Variants in PTPN1 observed in about 807,000 individuals in gnomAD.
The protein encoded by PTPN1 is tyrosine-protein phosphatase non-receptor type 1.
Under a neutral mutation model 59.9 loss-of-function variants are expected in PTPN1, and 12 were observed. The observed-to-expected ratio is 0.20, with a 90% CI of 0.13 to 0.32. The LOEUF (loss-of-function observed/expected upper bound fraction) is 0.32, where lower values mean the gene tolerates loss of function less well. Ranked by LOEUF, PTPN1 falls within the 10% of genes least tolerant of loss-of-function variation. PTPN1 has a pLI of 1.00. For synonymous variants in PTPN1, 178 were observed against 203.6 expected (o/e 0.87, Z 1.07); for missense variants, 356 against 549.2 (o/e 0.65, Z 3.52).
chr20:50,578,397 T>C (rs1037026466), intron 5 of PTPN1, 23 bp from the exon 6 acceptor site: 3 of 1,578,564 alleles, frequency 1.9e-6, no homozygotes, highest in Non-Finnish European at 2.6e-6. Context: ...TTTAGAATCA[T>C]CATGAGTATT....
intron 1 of PTPN1, among the ~76,000 whole-genome samples, chr20:50,529,446 G>T (rs1320853801): frequency 6.6e-6 from 1 of 152,042 alleles, no homozygotes; most frequent in Non-Finnish European, 1.5e-5. Flanking sequence ...AGCATGCTTG[G>T]GTCTCCAAAG....
intron 1 of PTPN1, among the ~76,000 whole-genome samples, chr20:50,544,262 C>A (rs907049363): frequency 1.3e-4 from 19 of 151,820 alleles, no homozygotes; most frequent in African/African-American, 4.6e-4. Flanking sequence ...GGGATCCTCC[C>A]ACCTCAGCGT....
intron 1 of PTPN1, among the ~76,000 whole-genome samples, chr20:50,525,897 G>A (rs1265607292): frequency 6.6e-6 from 1 of 152,104 alleles, no homozygotes; most frequent in Admixed American, 6.6e-5. Flanking sequence ...AAGTGTAGCC[G>A]TTATATGGCC....
Position 50,526,087 on chromosome 20 carries a change from ATGTG to A in PTPN1, c.63+15508_63+15511del, listed in dbSNP as rs140304351. Among the ~76,000 whole-genome samples the A allele has an allele frequency of 2.9e-4, 44 of 151,732 alleles. No homozygotes were observed. The East Asian group carries it at 6.6e-3, about 23-fold the overall frequency. The stretch of plus-strand genomic sequence containing the variant: ...GGGTGCGGGGGAGCACATAGGGTGT[ATGTG>A]TGTGTGTGTGCGCGTGCAGATTCTC... On this transcript the variant is annotated intron_variant, in intron 1 of 9. Coordinates refer to ENST00000371621, the MANE Select transcript of PTPN1 (RefSeq NM_002827.4).
intron 1 of PTPN1, among the ~76,000 whole-genome samples, chr20:50,535,320 G>C (rs796612799): frequency 6.6e-6 from 1 of 152,006 alleles, no homozygotes; most frequent in East Asian, 1.9e-4. Context: ...CACCTGCAGC[G>C]CATGCTCCAC....
intron 1 of PTPN1, among the ~76,000 whole-genome samples, chr20:50,543,525 C>T (rs2082661523): frequency 3.3e-5 from 5 of 152,122 alleles, no homozygotes; most frequent in Admixed American, 3.3e-4. Flanking sequence ...ATTTGAATTT[C>T]GGGAGAGGGA....
At chr20:50,514,659 T>G (rs1036036498) in intron 1 of PTPN1, among the ~76,000 whole-genome samples, 5 of 152,222 alleles carry the variant, frequency 3.3e-5, no homozygotes, top group African/African-American at 9.6e-5. Flanking sequence ...CAGGTACTTT[T>G]TCTGAGGCCT....
chr20:50,529,030 C>T (rs1429646105), intron 1 of PTPN1, among the ~76,000 whole-genome samples: 1 of 152,142 alleles, frequency 6.6e-6, no homozygotes, highest in Non-Finnish European at 1.5e-5. Flanking sequence ...CCTCATGGTG[C>T]CTTGCATGGA....
intron 1 of PTPN1, among the ~76,000 whole-genome samples, chr20:50,513,718 G>A (rs1056573811): frequency 6.6e-6 from 1 of 152,160 alleles, no homozygotes; most frequent in Non-Finnish European, 1.5e-5. Context: ...TTAAAACCAT[G>A]TTGTAACAAT....
At chr20:50,533,464 A>T (rs1193352223) in intron 1 of PTPN1, among the ~76,000 whole-genome samples, 1 of 135,594 alleles carries the variant, frequency 7.4e-6, no homozygotes, top group Non-Finnish European at 1.6e-5. Context: ...CCCAGCCTGG[A>T]TGCACTCAGC....
intron 1 of PTPN1, among the ~76,000 whole-genome samples, chr20:50,524,221 G>A (rs961593867): frequency 6.6e-6 from 1 of 152,154 alleles, no homozygotes; most frequent in Non-Finnish European, 1.5e-5. Context: ...GTCTTCTCCA[G>A]GAGGGTGATA....
intron 1 of PTPN1, among the ~76,000 whole-genome samples, chr20:50,519,023 A>G (rs1326141815): frequency 6.6e-6 from 1 of 152,116 alleles, no homozygotes. Flanking sequence ...TTCATGTCTT[A>G]CTGACAGTTT....
At chr20:50,531,526 G>A (rs1270295103) in intron 1 of PTPN1, among the ~76,000 whole-genome samples, 3 of 152,114 alleles carry the variant, frequency 2.0e-5, no homozygotes, top group African/African-American at 4.8e-5. Flanking sequence ...TCAGGCTCCC[G>A]CCACCATGCC....
At position 50,579,225 on chromosome 20, in the gene PTPN1, AGGAAGTTTC is replaced by A. The variant is rs1568797914; in HGVS notation, c.764_772del (p.Lys255_Arg257del). On this transcript the variant is annotated inframe_deletion, in exon 7 of 10. Transcript: ENST00000371621. ...TATCAAGAAAGTGCTGTTAGAAATGAGGAAGTTTCGGATGGGGCTGATCCAGACAGCCGA... is the reference window on the plus strand; with the variant it reads ...TATCAAGAAAGTGCTGTTAGAAATGAGGATGGGGCTGATCCAGACAGCCGA... 6.2e-7 allele frequency: 1 copy of A among 1,614,248 alleles called. No individual in the cohort carries two copies. The highest frequency in any genetic ancestry group is 8.5e-7 in the Non-Finnish European group (1 of 1,180,034).
chr20:50,533,965 C>G (rs2082612689), intron 1 of PTPN1, among the ~76,000 whole-genome samples: 1 of 152,162 alleles, frequency 6.6e-6, no homozygotes, highest in Admixed American at 6.5e-5. Flanking sequence ...GAGTCTTTCT[C>G]TCTTGCCCAG....
intron 1 of PTPN1, among the ~76,000 whole-genome samples, chr20:50,534,513 T>C (rs1397716903): frequency 1.3e-5 from 2 of 152,248 alleles, no homozygotes; most frequent in Non-Finnish European, 2.9e-5. Flanking sequence ...AGGACTGCTT[T>C]ATCTGCTTGT....
chr20:50,510,804 C>A (rs868854805), intron 1 of PTPN1, among the ~76,000 whole-genome samples: 2 of 152,136 alleles, frequency 1.3e-5, no homozygotes, highest in Middle Eastern at 3.4e-3. Context: ...CCTTCGATCC[C>A]CCACCTCCCT....
chr20:50,577,977 T>C (rs1301307111), intron 5 of PTPN1: 1 of 161,366 alleles, frequency 6.2e-6, no homozygotes, highest in Non-Finnish European at 1.4e-5. Flanking sequence ...CCAGATCATC[T>C]TGAAGCCCCC....
At chr20:50,514,450 T>C (rs1392517483) in intron 1 of PTPN1, among the ~76,000 whole-genome samples, 2 of 152,248 alleles carry the variant, frequency 1.3e-5, no homozygotes, top group East Asian at 3.8e-4. Context: ...CCCTTTTCTC[T>C]TTGTTAAAGA....
Sources: allele counts gnomAD v4.1 joint callset (sites outside exome capture counted in the v4.1 genomes callset), GRCh38; gene constraint gnomAD v4.1.1; transcripts MANE v1.5; gene names NCBI Gene and HGNC (gene_info 2026-07-23, HGNC 2026-07-21).